Variants in NEAT1 observed in about 807,000 individuals in gnomAD.
NEAT1 encodes nuclear paraspeckle assembly transcript 1, also known as MENepsilon/beta.
exon 1 of NEAT1, chr11:65,437,855 C>T (rs1383182968): frequency 2.0e-5 from 3 of 152,228 alleles, no homozygotes; most frequent in East Asian, 1.9e-4. Context: ...ACTGTCACGC[C>T]GACAGTGTCC....
exon 1 of NEAT1, chr11:65,441,374 G>A (rs868683493): frequency 1.3e-5 from 2 of 152,190 alleles, no homozygotes; most frequent in Middle Eastern, 6.8e-3. Context: ...GTGTTGCCCG[G>A]ACTGGTCTCA....
chr11:65,436,350 C>G (rs1856657988), exon 1 of NEAT1: 1 of 152,298 alleles, frequency 6.6e-6, no homozygotes. Context: ...CAAAGCAAGG[C>G]CCTGCCTGGG....
exon 1 of NEAT1, chr11:65,444,669 C>A: frequency 2.7e-6 from 1 of 371,344 alleles, no homozygotes; most frequent in Non-Finnish European, 5.6e-6. Flanking sequence ...CTGAGGGTGG[C>A]CTGGGGCAAG....
exon 1 of NEAT1, chr11:65,433,561 C>T (rs1190713794): frequency 6.6e-6 from 1 of 152,074 alleles, no homozygotes; most frequent in Non-Finnish European, 1.5e-5. Context: ...CAGACAGTAA[C>T]TCCTATGGTT....
chr11:65,431,241 T>A (rs560576945), exon 1 of NEAT1: 2 of 152,212 alleles, frequency 1.3e-5, no homozygotes, highest in Non-Finnish European at 2.9e-5. Flanking sequence ...AAGATCCAAA[T>A]AATATTCTTA....
chr11:65,431,248 C>T, exon 1 of NEAT1: 1 of 152,184 alleles, frequency 6.6e-6, no homozygotes, highest in South Asian at 2.1e-4. Context: ...AAATAATATT[C>T]TTATTTTATA....
chr11:65,426,092 C>G (rs2134889232), exon 1 of NEAT1: 1 of 152,184 alleles, frequency 6.6e-6, no homozygotes, highest in East Asian at 1.9e-4. Context: ...TCTGAAAACC[C>G]TGCTTGGTTC....
exon 1 of NEAT1, chr11:65,429,861 G>C (rs1290182970): frequency 6.6e-6 from 1 of 152,202 alleles, no homozygotes; most frequent in African/African-American, 2.4e-5. Context: ...TGTGAGGAGG[G>C]GCATGGTGCT....
exon 1 of NEAT1, chr11:65,433,595 AAATT>A (rs1349194041): frequency 1.3e-5 from 2 of 152,126 alleles, no homozygotes; most frequent in Admixed American, 6.5e-5. Flanking sequence ...CTCTCCACTT[AAATT>A]AATTATTTAC....
exon 1 of NEAT1, chr11:65,434,048 A>T (rs1164677999): frequency 6.6e-6 from 1 of 152,104 alleles, no homozygotes; most frequent in South Asian, 2.1e-4. Flanking sequence ...ATGTAATCTT[A>T]TGGAACATTC....
chr11:65,435,525 C>G (rs949830199), exon 1 of NEAT1: 18 of 152,150 alleles, frequency 1.2e-4, no homozygotes, highest in African/African-American at 4.1e-4. Flanking sequence ...TCCTAGCCAT[C>G]TCAAAGTGTG....
At chr11:65,443,654 T>C (rs1378511878) in exon 1 of NEAT1, 1 of 152,190 alleles carries the variant, frequency 6.6e-6, no homozygotes, top group African/African-American at 2.4e-5. Context: ...CAGTCACAAA[T>C]ATCTTTGGGC....
exon 1 of NEAT1, chr11:65,435,423 A>C (rs1438649146): frequency 6.6e-6 from 1 of 152,106 alleles, no homozygotes; most frequent in Non-Finnish European, 1.5e-5. Context: ...GTGTACTGTT[A>C]TTTTTATGGC....
exon 1 of NEAT1, chr11:65,428,607 T>C (rs1287477777): frequency 2.0e-5 from 3 of 152,180 alleles, no homozygotes; most frequent in African/African-American, 7.2e-5. Flanking sequence ...ATACTGACAC[T>C]GTTTGGAAAT....
At chr11:65,436,870 AG>A (rs1168531205) in exon 1 of NEAT1, 1 of 152,102 alleles carries the variant, frequency 6.6e-6, no homozygotes, top group Non-Finnish European at 1.5e-5. Flanking sequence ...AAGTTTCCTC[AG>A]GAGGAATTCT....
exon 1 of NEAT1, chr11:65,440,270 C>G (rs1341147265): frequency 6.6e-6 from 1 of 151,436 alleles, no homozygotes; most frequent in Non-Finnish European, 1.5e-5. Flanking sequence ...ATTTCTGAAC[C>G]AAGCTATTCC....
chr11:65,423,384 G>C (rs2134883545), exon 1 of NEAT1: 2 of 152,272 alleles, frequency 1.3e-5, no homozygotes, highest in East Asian at 1.9e-4. Flanking sequence ...GCCCAGGGTG[G>C]TATGTAATTT....
exon 1 of NEAT1, chr11:65,426,143 T>G (rs1162141648): frequency 6.6e-6 from 1 of 152,222 alleles, no homozygotes; most frequent in African/African-American, 2.4e-5. Flanking sequence ...TACCAATGGC[T>G]TTTTATCATT....
chr11:65,432,712 T>G (rs1856623816), exon 1 of NEAT1: 1 of 151,258 alleles, frequency 6.6e-6, no homozygotes, highest in Admixed American at 6.6e-5. Flanking sequence ...TTTCAATGGC[T>G]TTTGGGGTAC....
Sources: gnomAD v4.1 joint callset for allele counts on GRCh38, gnomAD v4.1.1 for gene constraint, MANE v1.5 for transcripts, NCBI Gene and HGNC (gene_info 2026-07-23, HGNC 2026-07-21) for gene names.